TMEM74: variants seen among roughly 807,000 people sequenced by gnomAD.
The protein encoded by TMEM74 is transmembrane protein 74.
In TMEM74, 13 loss-of-function variants were observed where a neutral mutation model predicts 18.1. The observed-to-expected ratio is 0.72, with a 90% CI of 0.47 to 1.14. The LOEUF (loss-of-function observed/expected upper bound fraction) is 1.14. TMEM74 is among the 50% of genes most tolerant of loss of function. The pLI is 0.00. For synonymous variants in TMEM74, 159 were observed against 146.6 expected (o/e 1.08, Z -0.61); for missense variants, 372 against 375.9 (o/e 0.99, Z 0.09).
intron 1 of TMEM74, among the ~76,000 whole-genome samples, chr8:108,751,155 T>C (rs1040174521): frequency 3.3e-5 from 5 of 152,126 alleles, no homozygotes; most frequent in African/African-American, 9.7e-5. Flanking sequence ...TTCCTTATGG[T>C]ATATGAACTC....
intron 1 of TMEM74, among the ~76,000 whole-genome samples, chr8:108,786,584 T>C (rs1359987891): frequency 6.6e-6 from 1 of 152,224 alleles, no homozygotes; most frequent in Non-Finnish European, 1.5e-5. Flanking sequence ...GAAAACGTTT[T>C]TCTCCTGTTA....
At chr8:108,706,962 C>T (rs188280888) in intron 1 of TMEM74, among the ~76,000 whole-genome samples, 172 of 152,156 alleles carry the variant, frequency 1.1e-3, no homozygotes, top group Admixed American at 3.9e-3. Context: ...CCTTTTCCCG[C>T]CTTGAAGTAT....
At chr8:108,608,308 AAAAAAAG>A (rs199648805) in intron 3 of TMEM74, among the ~76,000 whole-genome samples, 26,265 of 144,948 alleles carry the variant, frequency 0.18, 2,114 homozygotes, top group East Asian at 0.24. Context: ...CAAAAAAAAA[AAAAAAAG>A]AAAAAAAGAA....
intron 2 of TMEM74, among the ~76,000 whole-genome samples, chr8:108,649,315 T>C (rs1812750022): frequency 6.6e-6 from 1 of 152,154 alleles, no homozygotes; most frequent in African/African-American, 2.4e-5. Flanking sequence ...CACTCAGCTT[T>C]ACATGACATT....
In TMEM74 at chr8:108,685,042, A is replaced by G. The variant is rs896930990; in HGVS notation, n.120-29605T>C. Among the ~76,000 whole-genome samples the G allele has an allele frequency of 1.4e-3, 218 of 152,128 alleles. 1 individual carries two copies. The highest frequency in any genetic ancestry group is 5.1e-3 in the African/African-American group (212 of 41,440). ...TTTAGGTAGTATTGTCATTTTAACA[A>G]TATTAATTCTTCCAATTAATGAGCA... On this transcript the variant is annotated intron_variant and non_coding_transcript_variant, in intron 1 of 3. Coordinates refer to the TMEM74 transcript ENST00000518838.
chr8:108,718,969 T>TGTATATATATATACGTATATATAC (rs1309755135), intron 1 of TMEM74, among the ~76,000 whole-genome samples: 1 of 82,372 alleles, frequency 1.2e-5, no homozygotes, highest in Non-Finnish European at 2.5e-5. Context: ...ATTTTGTGTG[T>TGTATATATATATACGTATATATAC]GTATATATAT....
chr8:108,646,422 G>A (rs1352900421), intron 2 of TMEM74, among the ~76,000 whole-genome samples: 1 of 152,094 alleles, frequency 6.6e-6, no homozygotes, highest in Non-Finnish European at 1.5e-5. Context: ...TTGTCACCAA[G>A]ATTAAATGAA....
At chr8:108,771,237 CCT>C (rs1215322319) in intron 1 of TMEM74, among the ~76,000 whole-genome samples, 2 of 152,040 alleles carry the variant, frequency 1.3e-5, no homozygotes, top group Admixed American at 1.3e-4. Flanking sequence ...AATATTTTAA[CCT>C]CTCTACACTT....
At chr8:108,735,373 C>G (rs1229820337) in intron 1 of TMEM74, among the ~76,000 whole-genome samples, 1 of 152,112 alleles carries the variant, frequency 6.6e-6, no homozygotes, top group Non-Finnish European at 1.5e-5. Flanking sequence ...CCCCATTTCC[C>G]CACTCCTCAG....
intron 2 of TMEM74, among the ~76,000 whole-genome samples, chr8:108,613,993 C>A (rs1156683065): frequency 6.7e-6 from 1 of 148,212 alleles, no homozygotes; most frequent in Non-Finnish European, 1.5e-5. Context: ...ACACATAATA[C>A]TCAATTTTTG....
Position 108,784,091 on chromosome 8 carries a change from G to T in TMEM74, c.*90C>A. The T allele has an allele frequency of 8.6e-7, 1 of 1,163,744 alleles. No homozygotes were observed. Among genetic ancestry groups the T allele is most frequent in the Non-Finnish European group, 1.2e-6 (1 of 837,656 alleles). 72.1% of individuals were successfully genotyped at this position (1,163,744 alleles called of 1,614,324 possible). ...TTGTGAAATAAACTTTTCTTGCCAG[G>T]CAAATAAATTGCACTGTGAATTTTT... is the stretch of plus-strand genomic sequence containing the variant. On this transcript the variant is annotated 3_prime_UTR_variant, in exon 2 of 2. Coordinates refer to ENST00000297459, the MANE Select transcript of TMEM74 (RefSeq NM_153015.3).
intron 1 of TMEM74, among the ~76,000 whole-genome samples, chr8:108,717,328 T>A (rs1271376054): frequency 3.3e-5 from 5 of 152,176 alleles, no homozygotes; most frequent in Admixed American, 2.0e-4. Context: ...AATAGATGAA[T>A]TTTAAAACCT....
At position 108,769,336 on chromosome 8, in the gene TMEM74, C is replaced by A. The variant is rs60765303; in HGVS notation, n.119+18140G>T. The stretch of plus-strand genomic sequence containing the variant: ...AACAAGACTCTATCTTACACACACA[C>A]AAAAAAAGTCACATCATAGATCTTC... On this transcript the variant is annotated intron_variant and non_coding_transcript_variant, in intron 1 of 3. Coordinates refer to the TMEM74 transcript ENST00000518838. 8.4e-3 allele frequency among the ~76,000 whole-genome samples: 1,279 copies of A among 151,846 alleles called. 24 individuals carry two copies. Among genetic ancestry groups the A allele is most frequent in the African/African-American group, 0.029 (1,214 of 41,420 alleles).
At chr8:108,611,760 C>T (rs1473511386) in intron 2 of TMEM74, among the ~76,000 whole-genome samples, 1 of 152,160 alleles carries the variant, frequency 6.6e-6, no homozygotes, top group Non-Finnish European at 1.5e-5. Flanking sequence ...CATCTATCAC[C>T]AGAAGGTATA....
chr8:108,632,533 C>A (rs994054260), intron 2 of TMEM74, among the ~76,000 whole-genome samples: 1 of 151,872 alleles, frequency 6.6e-6, no homozygotes, highest in Non-Finnish European at 1.5e-5. Context: ...AAACCTCTAA[C>A]TACCATTTCA....
chr8:108,659,643 T>A (rs546142723), intron 1 of TMEM74, among the ~76,000 whole-genome samples: 19 of 152,260 alleles, frequency 1.2e-4, no homozygotes, highest in Non-Finnish European at 2.6e-4. Context: ...TGGTTACAGG[T>A]TGTCTCTGGC....
chr8:108,752,901 A>G (rs1267407888), intron 1 of TMEM74, among the ~76,000 whole-genome samples: 1 of 152,068 alleles, frequency 6.6e-6, no homozygotes, highest in Non-Finnish European at 1.5e-5. Context: ...TGCACTTACA[A>G]TGAAAATCCT....
intron 1 of TMEM74, among the ~76,000 whole-genome samples, chr8:108,696,300 G>T (rs1813280855): frequency 6.6e-6 from 1 of 152,104 alleles, no homozygotes; most frequent in African/African-American, 2.4e-5. Flanking sequence ...TAATGGAAGA[G>T]GTAATTATAC....
intron 2 of TMEM74, among the ~76,000 whole-genome samples, chr8:108,615,819 CTTTTTTTT>C (rs71564011): frequency 3.5e-4 from 27 of 76,452 alleles, no homozygotes; most frequent in African/African-American, 1.3e-3. Context: ...TGCATGGGAG[CTTTTTTTT>C]TTTTTTTTTT....
Sources: allele counts gnomAD v4.1 joint callset (sites outside exome capture counted in the v4.1 genomes callset), GRCh38; gene constraint gnomAD v4.1.1; transcripts MANE v1.5; gene names NCBI Gene and HGNC (gene_info 2026-07-23, HGNC 2026-07-21).